LAMP3: variants seen among roughly 807,000 people sequenced by gnomAD.
The protein encoded by LAMP3 is lysosome-associated membrane glycoprotein 3.
A neutral mutation model predicts 34.8 loss-of-function variants in LAMP3; 26 were observed. The observed-to-expected ratio is 0.75, with a 90% CI of 0.55 to 1.04. LAMP3 has a LOEUF of 1.04. Among genes scored for constraint, LAMP3 ranks in the 50% least tolerant of loss-of-function variants. The pLI, the probability that LAMP3 is intolerant of heterozygous loss-of-function variation, is 0.00. For synonymous variants in LAMP3, 180 were observed against 201.9 expected (o/e 0.89, Z 0.92); for missense variants, 495 against 524.0 (o/e 0.94, Z 0.54).
At chr3:183,139,920 G>C (rs1036284307) in intron 4 of LAMP3, among the ~76,000 whole-genome samples, 1 of 152,196 alleles carries the variant, frequency 6.6e-6, no homozygotes, top group African/African-American at 2.4e-5. Flanking sequence ...ATGATTCCCA[G>C]AGTATAGAAT....
intron 4 of LAMP3, among the ~76,000 whole-genome samples, chr3:183,139,308 T>C (rs1720198446): frequency 6.6e-6 from 1 of 150,744 alleles, no homozygotes. Flanking sequence ...GAGAATCGCT[T>C]GAATCTGGGA....
At chr3:183,131,287 G>A (rs534285820) in intron 5 of LAMP3, among the ~76,000 whole-genome samples, 1 of 152,290 alleles carries the variant, frequency 6.6e-6, no homozygotes, top group South Asian at 2.1e-4. Flanking sequence ...ATGCTAGAAG[G>A]TAAATCTTAC....
chr3:183,137,913 G>A (rs1157509207), intron 4 of LAMP3, among the ~76,000 whole-genome samples: 1 of 150,736 alleles, frequency 6.6e-6, no homozygotes, highest in Non-Finnish European at 1.5e-5. Flanking sequence ...TCTGCCTCCC[G>A]GGTTCAAGCA....
At chr3:183,157,173 T>G (rs2108614388) in intron 1 of LAMP3, among the ~76,000 whole-genome samples, 1 of 152,346 alleles carries the variant, frequency 6.6e-6, no homozygotes, top group South Asian at 2.1e-4. Context: ...CTTGATAACC[T>G]TATAAAAAGA....
intron 5 of LAMP3, among the ~76,000 whole-genome samples, chr3:183,127,602 C>A (rs770683327): frequency 1.3e-5 from 2 of 151,976 alleles, no homozygotes; most frequent in Non-Finnish European, 2.9e-5. Context: ...TTGTACCATG[C>A]ATTTCAATGG....
chr3:183,153,334 A>G (rs6414496), intron 2 of LAMP3, among the ~76,000 whole-genome samples: 134,436 of 152,110 alleles, frequency 0.88, 59,473 homozygotes, highest in Middle Eastern at 0.92. Context: ...TAAATCTCTC[A>G]TTTCACGGGA....
intron 1 of LAMP3, among the ~76,000 whole-genome samples, chr3:183,157,566 G>A (rs370102355): frequency 1.3e-5 from 2 of 152,138 alleles, no homozygotes; most frequent in South Asian, 2.1e-4. Context: ...GGAATATCTC[G>A]TGGTGAAAAG....
intron 5 of LAMP3, among the ~76,000 whole-genome samples, chr3:183,126,730 T>C (rs1460167858): frequency 6.6e-6 from 1 of 152,160 alleles, no homozygotes; most frequent in Non-Finnish European, 1.5e-5. Flanking sequence ...TCATTGCTAA[T>C]ATGGAGAAAC....
intron 5 of LAMP3, among the ~76,000 whole-genome samples, chr3:183,127,717 G>A (rs893218309): frequency 6.6e-6 from 1 of 152,100 alleles, no homozygotes; most frequent in Non-Finnish European, 1.5e-5. Context: ...CCCAAGCCCT[G>A]TGTGAACAAC....
intron 3 of LAMP3, among the ~76,000 whole-genome samples, chr3:183,144,859 C>T (rs952159788): frequency 5.9e-5 from 9 of 152,278 alleles, no homozygotes; most frequent in Non-Finnish European, 1.5e-5. Context: ...TGAGCCTGAT[C>T]GTGCTACCAC....
intron 1 of LAMP3, among the ~76,000 whole-genome samples, chr3:183,155,075 C>T (rs550678205): frequency 4.2e-4 from 64 of 152,226 alleles, no homozygotes; most frequent in African/African-American, 1.3e-3. Flanking sequence ...CCACCACGCC[C>T]GGCTAATTTT....
chr3:183,138,365 T>C (rs957118555), intron 4 of LAMP3, among the ~76,000 whole-genome samples: 3 of 152,198 alleles, frequency 2.0e-5, no homozygotes, highest in African/African-American at 7.2e-5. Flanking sequence ...ATATTTTAAG[T>C]AGACATTACT....
chr3:183,162,827 T>G, upstream of LAMP3: 5 of 603,264 alleles, frequency 8.3e-6, no homozygotes, highest in Admixed American at 3.6e-5. Context: ...GGCCCCCTCC[T>G]ACCCCTACGG....
chr3:183,153,622 A>C (rs1445438069), intron 2 of LAMP3, 60 bp downstream of exon 2: 3 of 1,221,450 alleles, frequency 2.5e-6, no homozygotes, highest in African/African-American at 3.0e-5. Flanking sequence ...CATTCCTAGC[A>C]AGGCAACCTC....
At chr3:183,140,666 T>C in intron 3 of LAMP3, 71 bp from the exon 4 acceptor site, 1 of 1,022,534 alleles carries the variant, frequency 9.8e-7, no homozygotes, top group Non-Finnish European at 1.5e-6. Flanking sequence ...TTTATAAACT[T>C]TGTTTAAGAT....
At position 183,123,721 on chromosome 3, in the gene LAMP3, T is replaced by C. The variant is rs1173419393; in HGVS notation, c.*360A>G. 9.7e-6 allele frequency: 2 copies of C among 206,948 alleles called. No homozygotes were observed. The highest frequency in any genetic ancestry group is 4.8e-5 in the African/African-American group (2 of 41,982). The allele number at this position is 206,948 out of a possible 1,614,324, so 12.8% of individuals were successfully genotyped here. ...ATCAAGGGTAAAATAAAATCTTCAA[T>C]GCACACACAGTAGTATTAGTTACAA... On this transcript the variant is annotated 3_prime_UTR_variant, in exon 6 of 6. Transcript: ENST00000265598.
chr3:183,146,062 T>C (rs968938462), intron 3 of LAMP3, among the ~76,000 whole-genome samples: 15 of 152,340 alleles, frequency 9.8e-5, no homozygotes, highest in African/African-American at 2.9e-4. Context: ...ATCTATTATA[T>C]TATAATGAAT....
At chr3:183,128,021 G>A (rs547400407) in intron 5 of LAMP3, among the ~76,000 whole-genome samples, 5 of 151,982 alleles carry the variant, frequency 3.3e-5, no homozygotes, top group Admixed American at 1.3e-4. Context: ...GGTGGCAGGC[G>A]CCTGTAGTCC....
chr3:183,134,498 A>G (rs977246827), intron 5 of LAMP3, among the ~76,000 whole-genome samples: 5 of 152,182 alleles, frequency 3.3e-5, no homozygotes, highest in African/African-American at 9.7e-5. Flanking sequence ...TTTTTTTAAG[A>G]TCACACGATT....
Sources: gnomAD v4.1 joint callset for allele counts (sites outside exome capture counted in the v4.1 genomes callset) on GRCh38, gnomAD v4.1.1 for gene constraint, MANE v1.5 for transcripts, NCBI Gene and HGNC (gene_info 2026-07-23, HGNC 2026-07-21) for gene names.